Variants in CDH4 observed in about 807,000 individuals in gnomAD.
CDH4 encodes cadherin-4.
In CDH4, 33 loss-of-function variants were observed where a neutral mutation model predicts 86.0. The observed-to-expected ratio is 0.38, with a 90% CI of 0.29 to 0.51. The LOEUF (loss-of-function observed/expected upper bound fraction) is 0.51. Among genes scored for constraint, CDH4 ranks in the 20% least tolerant of loss-of-function variants. The pLI, the probability that CDH4 is intolerant of heterozygous loss-of-function variation, is 0.86. For synonymous variants in CDH4, 555 were observed against 549.4 expected (o/e 1.01, Z -0.14); for missense variants, 1,114 against 1,307.4 (o/e 0.85, Z 2.28).
intron 2 of CDH4, among the ~76,000 whole-genome samples, chr20:61,284,375 T>C (rs2123170981): frequency 6.6e-6 from 1 of 152,170 alleles, no homozygotes; most frequent in East Asian, 1.9e-4. Flanking sequence ...TGTGTTTGCG[T>C]TTTCTACTGA....
chr20:61,701,035 C>T (rs2087769923), intron 2 of CDH4, among the ~76,000 whole-genome samples: 1 of 152,210 alleles, frequency 6.6e-6, no homozygotes, highest in Admixed American at 6.5e-5. Context: ...AAGCTTAAAG[C>T]CGAGGCATCG....
At chr20:61,696,641 C>T (rs746800574) in intron 2 of CDH4, among the ~76,000 whole-genome samples, 5 of 152,200 alleles carry the variant, frequency 3.3e-5, no homozygotes, top group African/African-American at 4.8e-5. Flanking sequence ...CAAGTCCACC[C>T]TCTGACCCAC....
chr20:61,731,540 C>T (rs1276703828), intron 2 of CDH4, among the ~76,000 whole-genome samples: 1 of 152,202 alleles, frequency 6.6e-6, no homozygotes, highest in Non-Finnish European at 1.5e-5. Flanking sequence ...GCAGAGGCTT[C>T]AGGGCAGCCT....
chr20:61,793,437 C>G (rs1406029143), intron 4 of CDH4, among the ~76,000 whole-genome samples: 1 of 152,196 alleles, frequency 6.6e-6, no homozygotes, highest in Non-Finnish European at 1.5e-5. Flanking sequence ...TAAAAAGGCT[C>G]TGGGGGCTAG....
intron 2 of CDH4, among the ~76,000 whole-genome samples, chr20:61,414,905 G>C (rs1481346368): frequency 3.3e-5 from 5 of 152,210 alleles, no homozygotes; most frequent in African/African-American, 1.2e-4. Context: ...TGCCCAGGAG[G>C]AGCTGCCCCA....
Position 61,713,769 on chromosome 20 carries a change from G to A in CDH4, c.170-29794G>A, listed in dbSNP as rs139264660. Among the ~76,000 whole-genome samples, 1,479 of 152,314 alleles carry A rather than the reference G, an allele frequency of 9.7e-3. 25 individuals are homozygous for A. The highest frequency in any genetic ancestry group is 0.034 in the African/African-American group (1,397 of 41,558). On this transcript the variant is annotated intron_variant, in intron 2 of 15. Coordinates refer to ENST00000614565, the MANE Select transcript of CDH4 (RefSeq NM_001794.5). Reference sequence around the variant, plus strand: ...GGCCGCAGCACCACACCTGCCTTTCGTGATACCTCAAAATGGAAAGTTAGA... The same window carrying A: ...GGCCGCAGCACCACACCTGCCTTTCATGATACCTCAAAATGGAAAGTTAGA...
At chr20:61,761,599 C>T (rs965160132) in intron 3 of CDH4, among the ~76,000 whole-genome samples, 19 of 152,306 alleles carry the variant, frequency 1.2e-4, no homozygotes, top group African/African-American at 4.6e-4. Flanking sequence ...GTCACTGCCA[C>T]AGGAGAAGCT....
intron 6 of CDH4, among the ~76,000 whole-genome samples, chr20:61,861,313 C>T (rs1267092131): frequency 1.3e-5 from 2 of 152,226 alleles, no homozygotes; most frequent in Admixed American, 1.3e-4. Flanking sequence ...AGGTGCCAGG[C>T]ACCACTCTTA....
chr20:61,264,378 A>C (rs1334423393), intron 2 of CDH4, among the ~76,000 whole-genome samples: 1 of 151,752 alleles, frequency 6.6e-6, no homozygotes, highest in Non-Finnish European at 1.5e-5. Flanking sequence ...TGGCTCCTTC[A>C]TTCAGTCCTA....
At chr20:61,408,313 G>T (rs771044393) in intron 2 of CDH4, among the ~76,000 whole-genome samples, 3 of 152,126 alleles carry the variant, frequency 2.0e-5, no homozygotes, top group Non-Finnish European at 2.9e-5. Flanking sequence ...CCTGCCCCAG[G>T]AACAGATGGT....
intron 2 of CDH4, among the ~76,000 whole-genome samples, chr20:61,288,406 C>A (rs1235759496): frequency 2.0e-5 from 3 of 152,194 alleles, no homozygotes; most frequent in Admixed American, 6.5e-5. Context: ...GCTGGGTGAC[C>A]CTTTGTCCGC....
rs2145600415 is a variant in CDH4, at chr20:61,501,120, G to C, written c.170-242443G>C. ...CTTCTCTGGTTAAGACCAGAAACAT[G>C]TTTCTGTAGAGCCCAAAACAGGCCA... is the stretch of plus-strand genomic sequence containing the variant. On this transcript the variant is annotated intron_variant, in intron 2 of 15. Transcript: ENST00000614565. This position sits in a 1 kb window ranked among gnomAD's most constrained non-coding sequence, Gnocchi z 4.2. Among the ~76,000 whole-genome samples the C allele has an allele frequency of 6.6e-6, 1 of 152,292 alleles. No individual in the cohort carries two copies. The highest frequency in any genetic ancestry group is 2.1e-4 in the South Asian group (1 of 4,812).
intron 6 of CDH4, among the ~76,000 whole-genome samples, chr20:61,862,478 A>C (rs951187898): frequency 6.6e-6 from 1 of 152,194 alleles, no homozygotes; most frequent in Admixed American, 6.5e-5. Flanking sequence ...ACACAGGTGC[A>C]GAGGGAGGCA....
intron 3 of CDH4, among the ~76,000 whole-genome samples, chr20:61,744,878 C>A (rs897022426): frequency 6.6e-6 from 1 of 152,222 alleles, no homozygotes; most frequent in Admixed American, 6.5e-5. Context: ...AGTGTCCTGG[C>A]GTTGGTTGCA....
intron 2 of CDH4, among the ~76,000 whole-genome samples, chr20:61,278,301 G>T (rs535211370): frequency 6.6e-6 from 1 of 152,316 alleles, no homozygotes; most frequent in South Asian, 2.1e-4. Flanking sequence ...GCTTAAATGT[G>T]CAGGAATCAA....
intron 2 of CDH4, among the ~76,000 whole-genome samples, chr20:61,407,466 C>G (rs774814753): frequency 6.6e-6 from 1 of 152,188 alleles, no homozygotes; most frequent in Non-Finnish European, 1.5e-5. Context: ...GGGATTTGTT[C>G]AGACAAATCA....
At chr20:61,514,985 C>T (rs895974535) in intron 2 of CDH4, among the ~76,000 whole-genome samples, 1 of 152,156 alleles carries the variant, frequency 6.6e-6, no homozygotes, top group Non-Finnish European at 1.5e-5. Flanking sequence ...GCGGGTGGCA[C>T]GGCTGGGCCT....
chr20:61,863,197 G>A (rs577052714), intron 6 of CDH4, among the ~76,000 whole-genome samples: 27 of 152,350 alleles, frequency 1.8e-4, no homozygotes, highest in South Asian at 4.1e-4. Context: ...GGCAGCCTCC[G>A]CTGTCTCCCC....
At chr20:61,255,690 G>A (rs922389903) in intron 2 of CDH4, among the ~76,000 whole-genome samples, 14 of 152,186 alleles carry the variant, frequency 9.2e-5, no homozygotes, top group Non-Finnish European at 7.3e-5. Context: ...ATAAAGTATC[G>A]AAGCTAAATT....
Sources: allele counts gnomAD v4.1 joint callset (sites outside exome capture counted in the v4.1 genomes callset), GRCh38; gene constraint gnomAD v4.1.1; non-coding constraint Gnocchi (gnomAD v3.1); transcripts MANE v1.5; gene names NCBI Gene and HGNC (gene_info 2026-07-23, HGNC 2026-07-21).